The following OR6C1 variants were observed in gnomAD, a reference collection of about 807,000 sequenced individuals.
OR6C1 encodes the protein olfactory receptor 6C1.
For missense variants in OR6C1, 386 were observed against 366.1 expected, an observed-to-expected ratio of 1.05 and a Z score of -0.44; for synonymous variants, 157 against 133.3, an observed-to-expected ratio of 1.18 and a Z score of -1.22.
In OR6C1 at chr12:55,320,918, G is replaced by T. The variant is rs747121348; in HGVS notation, c.319G>T (p.Val107Phe). 2 of 1,613,918 alleles carry T rather than the reference G, an allele frequency of 1.2e-6. No homozygotes were observed. The highest frequency in any genetic ancestry group is 2.2e-5 in the South Asian group (2 of 91,074). ...GTTATTTTTCTTCATTCTCTTGGGA[G>T]TCACAGAGTTTTACCTTCTGGCTGC... Reference protein sequence around the residue: ...VQLFFFILLGVTEFYLLAAMS... With the variant: ...VQLFFFILLGFTEFYLLAAMS... The change falls in exon 2 of 2, where the codon GTC (valine) becomes TTC (phenylalanine). Residue 107 changes from valine (V) to phenylalanine (F), a missense_variant. Transcript: ENST00000642104.
At chr12:55,316,980 T>C (rs1868420431) in intron 1 of OR6C1, among the ~76,000 whole-genome samples, 1 of 151,964 alleles carries the variant, frequency 6.6e-6, no homozygotes, top group Non-Finnish European at 1.5e-5. Context: ...ATGGTATTAT[T>C]ACTGAGTAAA....
intron 1 of OR6C1, among the ~76,000 whole-genome samples, chr12:55,320,281 T>C (rs1868506152): frequency 6.6e-6 from 1 of 152,188 alleles, no homozygotes; most frequent in Admixed American, 6.6e-5. Flanking sequence ...TGTAGGCATG[T>C]CTTTGAAAGA....
intron 1 of OR6C1, among the ~76,000 whole-genome samples, chr12:55,318,790 C>T (rs1868465018): frequency 6.6e-6 from 1 of 151,134 alleles, no homozygotes; most frequent in Non-Finnish European, 1.5e-5. Flanking sequence ...GACTTGTATA[C>T]AGTGGAAGAA....
At position 55,322,083 on chromosome 12, in the gene OR6C1, A is replaced by G. The variant is rs1868577156; in HGVS notation, c.*545A>G. ...ATCTATTAATAAAGGAGCCTAGACC[A>G]TTATCAATATATACTTTTTTGTTAT... On this transcript the variant is annotated 3_prime_UTR_variant, in exon 2 of 2. Coordinates refer to ENST00000642104, the MANE Select transcript of OR6C1 (RefSeq NM_001005182.2). The G allele has an allele frequency of 6.6e-6, 1 of 152,198 alleles. No individual in the cohort carries two copies. Among genetic ancestry groups the G allele is most frequent in the South Asian group, 2.1e-4 (1 of 4,832 alleles). 9.4% of individuals were successfully genotyped at this position (152,198 alleles called of 1,614,324 possible).
Position 55,321,465 on chromosome 12 carries a change from G to A in OR6C1, c.866G>A (p.Ser289Asn), listed in dbSNP as rs868627732. 10 of 1,613,192 alleles carry A rather than the reference G, an allele frequency of 6.2e-6. No individual in the cohort carries two copies. The highest frequency in any genetic ancestry group is 1.7e-5 in the Admixed American group (1 of 59,862). ...VAPMMNPFIY[S>N]LRNQQVKQAF... Reference sequence around the variant, plus strand: ...CCCATGATGAACCCCTTTATTTACAGCCTAAGAAATCAGCAAGTCAAGCAA... The same window carrying A: ...CCCATGATGAACCCCTTTATTTACAACCTAAGAAATCAGCAAGTCAAGCAA... The change falls in exon 2 of 2, where the codon AGC becomes AAC. Residue 289 changes from serine (S) to asparagine (N), a missense_variant. Physicochemically the swap from Ser to Asn is conservative, Grantham distance 46. Coordinates refer to ENST00000642104, the MANE Select transcript of OR6C1 (RefSeq NM_001005182.2).
chr12:55,317,313 A>G (rs1009703345), intron 1 of OR6C1, among the ~76,000 whole-genome samples: 1 of 152,064 alleles, frequency 6.6e-6, no homozygotes, highest in African/African-American at 2.4e-5. Flanking sequence ...GTGAAATGAA[A>G]GGATGAATTG....
intron 1 of OR6C1, among the ~76,000 whole-genome samples, chr12:55,315,485 A>G (rs1330090450): frequency 6.6e-6 from 1 of 151,684 alleles, no homozygotes; most frequent in South Asian, 2.1e-4. Flanking sequence ...GAGTGTTACT[A>G]TTTATGAAAT....
chr12:55,315,839 C>T (rs999973528), intron 1 of OR6C1, among the ~76,000 whole-genome samples: 5 of 150,812 alleles, frequency 3.3e-5, no homozygotes, highest in African/African-American at 1.2e-4. Context: ...ATATATTGCC[C>T]ACAACATTGA....
chr12:55,318,684 A>C (rs537073045), intron 1 of OR6C1, among the ~76,000 whole-genome samples: 1 of 149,132 alleles, frequency 6.7e-6, no homozygotes, highest in Non-Finnish European at 1.5e-5. Flanking sequence ...TTTATAAAGA[A>C]TTTAGAAAAG....
chr12:55,320,285 T>G (rs1420411155), intron 1 of OR6C1, among the ~76,000 whole-genome samples: 2 of 152,186 alleles, frequency 1.3e-5, no homozygotes, highest in Non-Finnish European at 2.9e-5. Context: ...GGCATGTCTT[T>G]GAAAGATAAC....
chr12:55,321,663 C>A lies in OR6C1; in HGVS notation c.*125C>A, dbSNP rs1336350867. The stretch of plus-strand genomic sequence containing the variant: ...TTTCTTTTCCCTAAAAGTTTGCAAG[C>A]ATATTTATTTAATATATTTCTCATT... On this transcript the variant is annotated 3_prime_UTR_variant, in exon 2 of 2. Coordinates refer to ENST00000642104, the MANE Select transcript of OR6C1 (RefSeq NM_001005182.2). 2 of 545,010 alleles carry A rather than the reference C, an allele frequency of 3.7e-6. No individual in the cohort carries two copies. The highest frequency in any genetic ancestry group is 6.1e-6 in the Non-Finnish European group (2 of 326,754). 33.8% of individuals were successfully genotyped at this position (545,010 alleles called of 1,614,324 possible).
Position 55,321,660 on chromosome 12 carries a change from A to C in OR6C1, c.*122A>C. On this transcript the variant is annotated 3_prime_UTR_variant, in exon 2 of 2. Coordinates refer to ENST00000642104, the MANE Select transcript of OR6C1 (RefSeq NM_001005182.2). ...CATTTTCTTTTCCCTAAAAGTTTGC[A>C]AGCATATTTATTTAATATATTTCTC... The C allele has an allele frequency of 1.8e-6, 1 of 554,524 alleles. No individual in the cohort carries two copies. Among genetic ancestry groups the C allele is most frequent in the Non-Finnish European group, 3.0e-6 (1 of 333,362 alleles). The allele number at this position is 554,524 out of a possible 1,614,324, so 34.4% of individuals were successfully genotyped here. A position where few individuals can be genotyped will look rare whatever the true frequency, so the allele number is the denominator to read the frequency against.
At chr12:55,317,772 G>C (rs536108499) in intron 1 of OR6C1, among the ~76,000 whole-genome samples, 3 of 151,906 alleles carry the variant, frequency 2.0e-5, no homozygotes, top group African/African-American at 7.2e-5. Flanking sequence ...CCTGTTGTAA[G>C]TGTGATGAGT....
chr12:55,314,794 T>C (rs1163912240), intron 1 of OR6C1, among the ~76,000 whole-genome samples, 195 bp downstream of exon 1: 1 of 151,206 alleles, frequency 6.6e-6, no homozygotes, highest in Admixed American at 6.6e-5. Flanking sequence ...AGGAAATCAC[T>C]ATCTCTGTCT....
chr12:55,318,971 T>C (rs977839234), intron 1 of OR6C1, among the ~76,000 whole-genome samples: 2 of 152,066 alleles, frequency 1.3e-5, no homozygotes, highest in African/African-American at 2.4e-5. Flanking sequence ...TTTCAAAGTA[T>C]GAATACACAA....
At chr12:55,317,996 T>C (rs1259500769) in intron 1 of OR6C1, among the ~76,000 whole-genome samples, 1 of 149,032 alleles carries the variant, frequency 6.7e-6, no homozygotes, top group Non-Finnish European at 1.5e-5. Flanking sequence ...TACATACACA[T>C]ATATACACAC....
At position 55,320,773 on chromosome 12, in the gene OR6C1, T is replaced by G; in HGVS notation, c.174T>G (p.Tyr58Ter). 4.3e-6 allele frequency: 7 copies of G among 1,614,110 alleles called. No individual in the cohort carries two copies. The highest frequency in any genetic ancestry group is 5.9e-6 in the Non-Finnish European group (7 of 1,179,998). The change falls in exon 2 of 2, where the codon TAT (tyrosine) becomes TAG (stop). Residue 58 changes from tyrosine to a stop codon, truncating the protein, a stop_gained. Coordinates refer to ENST00000642104, the MANE Select transcript of OR6C1 (RefSeq NM_001005182.2). LOFTEE classifies it low-confidence loss of function (END_TRUNC). ...LLDSHLQTPM[Y>*]FFLRNFSILE... ...ATTCCCACCTGCAGACCCCCATGTA[T>G]TTCTTCCTCAGAAATTTCTCCATAT...
rs375228892 is a variant in OR6C1 at position 55,321,042 on chromosome 12, T to G, written c.443T>G (p.Leu148Arg). 6.2e-7 allele frequency: 1 copy of G among 1,613,796 alleles called. No homozygotes were observed. Among genetic ancestry groups the G allele is most frequent in the Non-Finnish European group, 8.5e-7 (1 of 1,179,862 alleles). ...VCTLLVFTSW[L>R]VSFLIIFPAL... is the part of the protein sequence containing the mutation. ...ACACTGCTTGTTTTTACTTCTTGGC[T>G]GGTTTCATTCTTAATCATATTCCCA... The change falls in exon 2 of 2, where the codon CTG (leucine) becomes CGG (arginine). Residue 148 changes from leucine to arginine, a missense_variant. Coordinates refer to ENST00000642104, the MANE Select transcript of OR6C1 (RefSeq NM_001005182.2).
At position 55,320,931 on chromosome 12, in the gene OR6C1, A is replaced by G. The variant is rs763361779; in HGVS notation, c.332A>G (p.Tyr111Cys). Residue 111 changes from tyrosine (Y) to cysteine (C), a missense_variant, in exon 2 of 2, where the codon TAC (tyrosine) becomes TGC (cysteine). Transcript: ENST00000642104. ...FFILLGVTEF[Y>C]LLAAMSYDRY... is the part of the protein sequence containing the mutation. ...ATTCTCTTGGGAGTCACAGAGTTTT[A>G]CCTTCTGGCTGCCATGTCCTATGAC... 1.1e-5 allele frequency: 18 copies of G among 1,613,790 alleles called. No homozygotes were observed. The highest frequency in any genetic ancestry group is 3.3e-4 in the Middle Eastern group (2 of 6,084).
Sources: gnomAD v4.1 joint callset for allele counts (sites outside exome capture counted in the v4.1 genomes callset) on GRCh38, gnomAD v4.1.1 for gene constraint, MANE v1.5 for transcripts, NCBI Gene and HGNC (gene_info 2026-07-23, HGNC 2026-07-21) for gene names.